The following ITGA7 variants were observed in gnomAD, a reference collection of about 807,000 sequenced individuals.
The protein encoded by ITGA7 is integrin subunit alpha 7, also known as integrin alpha-7.
ITGA7 carries 84 observed loss-of-function variants against 131.6 expected under a neutral mutation model. The observed-to-expected ratio is 0.64, with a 90% CI of 0.54 to 0.77. The LOEUF is 0.77. Among genes scored for constraint, ITGA7 ranks in the 30% least tolerant of loss-of-function variants. ITGA7 has a pLI of 0.00. For synonymous variants in ITGA7, 548 were observed against 600.7 expected (o/e 0.91, Z 1.28); for missense variants, 1,399 against 1,482.9 (o/e 0.94, Z 0.93).
intron 3 of ITGA7, among the ~76,000 whole-genome samples, chr12:55,701,973 T>G (rs555585408): frequency 6.6e-6 from 1 of 151,394 alleles, no homozygotes; most frequent in South Asian, 2.1e-4. Flanking sequence ...TACTGAAAGA[T>G]AGAGAGAGAG....
chr12:55,707,937 C>T, upstream of ITGA7: 2 of 1,369,184 alleles, frequency 1.5e-6, no homozygotes, highest in Non-Finnish European at 1.9e-6. Flanking sequence ...GGGGACGCCA[C>T]TCAGGCCCCG....
rs2293410 is a variant in ITGA7, at chr12:55,694,989, C to T, written c.2004-19G>A. On this transcript the variant is annotated intron_variant, in intron 14 of 24. Coordinates refer to ENST00000257879, the MANE Select transcript of ITGA7 (RefSeq NM_002206.3). This position sits in a 1 kb window ranked among gnomAD's most constrained non-coding sequence, Gnocchi z 5.3. ...CACATCCCTGGAGAGTCAGACCCCA[C>T]TCCTGCTAAGTTCTGAACACCTCCC... 844,216 of 1,609,194 alleles carry T rather than the reference C, an allele frequency of 0.52. 231,376 individuals are homozygous for T. The highest frequency in any genetic ancestry group is 0.93 in the East Asian group (41,873 of 44,806).
chr12:55,700,664 C>T (rs1873788720), intron 4 of ITGA7: 7 of 653,422 alleles, frequency 1.1e-5, no homozygotes, highest in Non-Finnish European at 1.6e-5. Flanking sequence ...GCTGCAGGCC[C>T]AGCGTGCACT....
chr12:55,688,767 A>T, intron 22 of ITGA7, 77 bp downstream of exon 22: 1 of 1,054,632 alleles, frequency 9.5e-7, no homozygotes. Flanking sequence ...GACAGTGAGG[A>T]AGGAGGAGGA....
chr12:55,686,291 G>C, intron 24 of ITGA7: 1 of 1,343,072 alleles, frequency 7.4e-7, no homozygotes, highest in South Asian at 1.2e-5. Flanking sequence ...ATGAGCTCTG[G>C]CTGCTCCGAT....
chr12:55,700,591 C>T (rs989304430), intron 4 of ITGA7: 9 of 659,256 alleles, frequency 1.4e-5, no homozygotes, highest in African/African-American at 5.5e-5. Flanking sequence ...CCAGCAGCAG[C>T]GTGCGGAGAC....
In ITGA7 at chr12:55,697,985, A is replaced by T. The variant is rs759909209; in HGVS notation, c.1234T>A (p.Phe412Ile). The T allele has an allele frequency of 6.2e-7, 1 of 1,614,138 alleles. No homozygotes were observed. Residue 412 changes from phenylalanine to isoleucine, a missense_variant, in exon 8 of 25, where the codon TTC becomes ATC. By Grantham distance (21) the Phe-to-Ile change is conservative. Transcript: ENST00000257879. ...CCCAGGCTGCTCCCATGGTAGATGA[A>T]GACTTTCCCATCACCATCAAAGGGG... ...GAPFDGDGKV[F>I]IYHGSSLGVV...
rs755239671 is a variant in ITGA7 at position 55,694,663 on chromosome 12, G to A, written c.2229C>T (p.Ala743=). ...EKPLCLSNEN[A]SHVECELGNP... is the part of the protein sequence containing the mutation. The stretch of plus-strand genomic sequence containing the variant: ...TCCCCAGCTCACACTCAACATGGGA[G>A]GCATTCTCATTGGACAGGCAGAGTG... The change falls in exon 16 of 25, where the codon GCC becomes GCT. Residue 743 remains alanine, a synonymous_variant. Transcript: ENST00000257879. The surrounding 1 kb of genome is among the most constrained non-coding windows in gnomAD (Gnocchi z 5.3). 9 of 1,614,072 alleles carry A rather than the reference G, an allele frequency of 5.6e-6. No individual in the cohort carries two copies. In the Admixed American group the frequency reaches 1.5e-4, roughly 27 times the overall value.
At position 55,694,573 on chromosome 12, in the gene ITGA7, T is replaced by C; in HGVS notation, c.2277+42A>G. 1.2e-6 allele frequency: 2 copies of C among 1,613,202 alleles called. No homozygotes were observed. The highest frequency in any genetic ancestry group is 1.1e-5 in the South Asian group (1 of 91,068). ...GAGTCAGGGGTGGTCTACGGGCTTA[T>C]GGAGAGGCTACTCACGTAGGGATAA... On this transcript the variant is annotated intron_variant, in intron 16 of 24. Coordinates refer to ENST00000257879, the MANE Select transcript of ITGA7 (RefSeq NM_002206.3). This position sits in a 1 kb window ranked among gnomAD's most constrained non-coding sequence, Gnocchi z 5.3.
At chr12:55,716,137 T>A (rs1316277850), upstream of ITGA7, 1 of 1,611,712 alleles carries the variant, frequency 6.2e-7, no homozygotes, top group Admixed American at 1.7e-5. Flanking sequence ...GACGTGACCA[T>A]GCTGTCCCGC....
At chr12:55,695,373 A>G in intron 14 of ITGA7, 149 bp downstream of exon 14, 1 of 657,842 alleles carries the variant, frequency 1.5e-6, no homozygotes, top group Non-Finnish European at 2.7e-6. Flanking sequence ...CCCTCATCTC[A>G]GTCTCCAAGT....
At chr12:55,698,088 C>T in intron 7 of ITGA7, 62 bp from the exon 8 acceptor site, 1 of 1,432,144 alleles carries the variant, frequency 7.0e-7, no homozygotes, top group Non-Finnish European at 9.9e-7. Flanking sequence ...AGATCCAGGC[C>T]TCAACTCCCC....
chr12:55,700,988 AATTGTTC>A lies in ITGA7; in HGVS notation c.574_580del (p.Glu192LeufsTer35). ...AGCTGTGCCCTGCTGGCAGAACCCA[AATTGTTC>A]ATGGCCTTGGGGGCGTCCCTCACAG... is the stretch of plus-strand genomic sequence containing the variant. On this transcript the variant is annotated frameshift_variant, in exon 4 of 25. Coordinates refer to ENST00000257879, the MANE Select transcript of ITGA7 (RefSeq NM_002206.3). LOFTEE classifies it high-confidence loss of function. 6.2e-7 allele frequency: 1 copy of A among 1,614,214 alleles called. No individual in the cohort carries two copies. The highest frequency in any genetic ancestry group is 8.5e-7 in the Non-Finnish European group (1 of 1,180,022).
intron 21 of ITGA7, among the ~76,000 whole-genome samples, chr12:55,691,719 A>G (rs1204295688): frequency 6.6e-6 from 1 of 152,250 alleles, no homozygotes; most frequent in East Asian, 1.9e-4. Flanking sequence ...AGGATTATCC[A>G]TGTAATAGAG....
intron 12 of ITGA7, among the ~76,000 whole-genome samples, chr12:55,696,663 A>C (rs756003158): frequency 2.6e-5 from 4 of 152,110 alleles, no homozygotes; most frequent in Non-Finnish European, 5.9e-5. Context: ...CACCTCCTCC[A>C]TTCAGCTGGA....
chr12:55,699,494 C>T (rs1873470568), intron 5 of ITGA7: 1 of 322,936 alleles, frequency 3.1e-6, no homozygotes, highest in Admixed American at 4.4e-5. Flanking sequence ...GCAGATGAGA[C>T]AACGAGAGGG....
upstream of ITGA7, chr12:55,715,911 A>G (rs1367450533): frequency 2.8e-6 from 3 of 1,070,218 alleles, no homozygotes; most frequent in African/African-American, 4.8e-5. Context: ...ACTTCTTCCA[A>G]CACTCACCAA....
Position 55,694,892 on chromosome 12 carries a change from C to T in ITGA7, c.2082G>A (p.Leu694=), listed in dbSNP as rs1488961707. Residue 694 remains leucine, a synonymous_variant, in exon 15 of 25, where the codon CTG becomes CTA. Transcript: ENST00000257879. The surrounding 1 kb of genome is among the most constrained non-coding windows in gnomAD (Gnocchi z 5.3). The part of the protein sequence containing the change: ...VIGLELMVTN[L]PSDPAQPQAD... Reference sequence around the variant, plus strand: ...CCTGGGGCTGGGCTGGGTCCGATGGCAGGTTGGTGACCATCAGCTCCAGGC... The same window carrying T: ...CCTGGGGCTGGGCTGGGTCCGATGGTAGGTTGGTGACCATCAGCTCCAGGC... 1 of 1,614,052 alleles carries T rather than the reference C, an allele frequency of 6.2e-7. No individual in the cohort carries two copies. The highest frequency in any genetic ancestry group is 1.7e-5 in the Admixed American group (1 of 60,024).
chr12:55,686,741 G>A (rs778259344), intron 24 of ITGA7, among the ~76,000 whole-genome samples: 5 of 152,314 alleles, frequency 3.3e-5, no homozygotes, highest in Admixed American at 1.3e-4. Context: ...AGTATGATTC[G>A]GTATACAGCT....
Sources: allele counts gnomAD v4.1 joint callset (sites outside exome capture counted in the v4.1 genomes callset), GRCh38; gene constraint gnomAD v4.1.1; non-coding constraint Gnocchi (gnomAD v3.1); transcripts MANE v1.5; gene names NCBI Gene and HGNC (gene_info 2026-07-23, HGNC 2026-07-21).